ITPA: variants seen among roughly 807,000 people sequenced by gnomAD.
ITPA encodes inosine triphosphatase.
ITPA carries 29 observed loss-of-function variants against 29.6 expected under a neutral mutation model. That is an observed-to-expected ratio of 0.98 (90% confidence interval 0.73 to 1.34). The LOEUF (loss-of-function observed/expected upper bound fraction) is 1.34, where lower values mean the gene tolerates loss of function less well. ITPA is among the 40% of genes most tolerant of loss of function. ITPA has a pLI of 0.00. For missense variants in ITPA, 241 were observed against 251.5 expected (o/e 0.96, Z 0.28); for synonymous variants, 103 against 99.3 (o/e 1.04, Z -0.22).
Position 3,214,394 on chromosome 20 carries a change from C to G in ITPA, c.263+336C>G, listed in dbSNP as rs865786723. Among the ~76,000 whole-genome samples, 82 of 128,794 alleles carry G rather than the reference C, an allele frequency of 6.4e-4. No individual in the cohort carries two copies. The South Asian group carries it at 7.8e-3, about 12-fold the overall frequency. 84.5% of individuals were successfully genotyped at this position (128,794 alleles called of 152,430 possible). ...TTTTTTTTTTTTTTTGATACAGTCT[C>G]TCTCTGTTACCCAGACGGCTGGAGT... On this transcript the variant is annotated intron_variant, in intron 4 of 7. Coordinates refer to ENST00000380113, the MANE Select transcript of ITPA (RefSeq NM_033453.4).
intron 5 of ITPA, among the ~76,000 whole-genome samples, chr20:3,217,866 T>G (rs1443771896): frequency 3.3e-5 from 5 of 152,122 alleles, no homozygotes; most frequent in Non-Finnish European, 5.9e-5. Context: ...TTTCCTTGGT[T>G]GTAGAAAAAG....
At chr20:3,215,151 C>A in intron 4 of ITPA, 130 bp from the exon 5 acceptor site, 1 of 856,714 alleles carries the variant, frequency 1.2e-6, no homozygotes, top group Admixed American at 1.9e-5. Context: ...ATAGGCGGGA[C>A]CCACCTCGCC....
intron 4 of ITPA, 179 bp from the exon 5 acceptor site, chr20:3,215,102 A>G (rs1032714051): frequency 4.1e-5 from 26 of 640,436 alleles, no homozygotes; most frequent in Non-Finnish European, 7.1e-5. Flanking sequence ...CCTGAGCTCA[A>G]GCGATCCGCC....
At chr20:3,227,237 G>A (rs181257166), downstream of ITPA, among the ~76,000 whole-genome samples, 2 of 152,302 alleles carry the variant, frequency 1.3e-5, no homozygotes, top group East Asian at 3.9e-4. Flanking sequence ...ATGGCCATGC[G>A]AAGGCCTCCT....
downstream of ITPA, among the ~76,000 whole-genome samples, chr20:3,225,513 G>C (rs1010236868): frequency 6.6e-6 from 1 of 152,170 alleles, no homozygotes; most frequent in African/African-American, 2.4e-5. Context: ...GGGAGCTTCT[G>C]AATAGCCGAC....
upstream of ITPA, among the ~76,000 whole-genome samples, chr20:3,204,274 T>G (rs1183113325): frequency 6.6e-6 from 1 of 151,896 alleles, no homozygotes; most frequent in East Asian, 1.9e-4. Context: ...CCTCAGGCCT[T>G]TGGAGGTATG....
upstream of ITPA, chr20:3,204,501 C>G (rs1245760689): frequency 3.3e-6 from 5 of 1,536,292 alleles, no homozygotes; most frequent in Non-Finnish European, 3.5e-6. Context: ...CCAGAAAACC[C>G]GGTACCACCA....
At chr20:3,218,771 C>G (rs562638091) in intron 6 of ITPA, 139 bp downstream of exon 6, 1 of 708,348 alleles carries the variant, frequency 1.4e-6, no homozygotes, top group East Asian at 2.7e-5. Context: ...CTGAGAGGCT[C>G]CCCTGCGCAG....
intron 6 of ITPA, among the ~76,000 whole-genome samples, chr20:3,221,598 C>T (rs879800384): frequency 1.3e-5 from 2 of 152,222 alleles, no homozygotes; most frequent in South Asian, 2.1e-4. Context: ...CGCGTGGCCC[C>T]GGAGGTGCTG....
At chr20:3,225,521 G>A (rs1182318161), downstream of ITPA, among the ~76,000 whole-genome samples, 2 of 152,256 alleles carry the variant, frequency 1.3e-5, no homozygotes, top group Admixed American at 6.5e-5. Context: ...CTGAATAGCC[G>A]ACCATGTGGG....
In ITPA at chr20:3,223,676, C is replaced by CT. The variant is rs2067526028; in HGVS notation, c.*215dup. 1 of 599,226 alleles carries CT rather than the reference C, an allele frequency of 1.7e-6. No homozygotes were observed. The highest frequency in any genetic ancestry group is 1.8e-5 in the African/African-American group (1 of 54,334). The allele number at this position is 599,226 out of a possible 1,614,324, so 37.1% of individuals were successfully genotyped here. ...GCCATTCTCTTGCCCTTAGGATTCACTGCTCTCTCCTACAGCCGCCAGGCC... is the reference window on the plus strand; with the variant it reads ...GCCATTCTCTTGCCCTTAGGATTCACTTGCTCTCTCCTACAGCCGCCAGGCC... On this transcript the variant is annotated 3_prime_UTR_variant, in exon 8 of 8. Transcript: ENST00000380113.
At chr20:3,213,252 T>A in intron 2 of ITPA, 26 bp downstream of exon 2, 1 of 1,614,238 alleles carries the variant, frequency 6.2e-7, no homozygotes. Flanking sequence ...GTTTTATTTT[T>A]AAAAGATGGT....
chr20:3,204,676 C>A (rs374410072), upstream of ITPA: 11 of 1,522,154 alleles, frequency 7.2e-6, no homozygotes, highest in Non-Finnish European at 9.7e-6. Flanking sequence ...AGGCCGGGAT[C>A]TCATAGGCCC....
At chr20:3,204,760 A>T, upstream of ITPA, 1 of 808,692 alleles carries the variant, frequency 1.2e-6, no homozygotes, top group East Asian at 2.7e-5. Flanking sequence ...GAGAGGCTTT[A>T]ATGTCAGACA....
chr20:3,214,080 C>T, intron 4 of ITPA, 22 bp downstream of exon 4: 1 of 1,612,004 alleles, frequency 6.2e-7, no homozygotes, highest in Non-Finnish European at 8.5e-7. Flanking sequence ...CCTCCACCCC[C>T]TTACAGGGCG....
chr20:3,214,611 G>A (rs576052877), intron 4 of ITPA, among the ~76,000 whole-genome samples: 21 of 150,852 alleles, frequency 1.4e-4, no homozygotes, highest in South Asian at 1.0e-3. Flanking sequence ...CAAGAGTCTC[G>A]CTCTGTCGCC....
chr20:3,204,830 C>G, upstream of ITPA: 1 of 554,492 alleles, frequency 1.8e-6, no homozygotes, highest in East Asian at 3.0e-5. Context: ...TTATAGCAGA[C>G]GGTATGTCCA....
At position 3,223,297 on chromosome 20, in the gene ITPA, G is replaced by A. The variant is rs546471799; in HGVS notation, c.489-69G>A. The A allele has an allele frequency of 1.6e-4, 179 of 1,134,116 alleles. 2 individuals are homozygous for A. The South Asian group carries it at 2.2e-3, about 14-fold the overall frequency. The allele number at this position is 1,134,116 out of a possible 1,614,324, so 70.3% of individuals were successfully genotyped here. The stretch of plus-strand genomic sequence containing the variant: ...CTTTGGTCTCCAGGGATGAGATGAG[G>A]TAGGGTTGGGAGGGGGTGCACTTCC... On this transcript the variant is annotated intron_variant, in intron 7 of 7. Transcript: ENST00000380113.
chr20:3,214,754 T>C (rs2067255654), intron 4 of ITPA, among the ~76,000 whole-genome samples: 1 of 152,012 alleles, frequency 6.6e-6, no homozygotes, highest in African/African-American at 2.4e-5. Context: ...TAATTTTTTG[T>C]ATTTTTAGTA....
Sources: gnomAD v4.1 joint callset for allele counts (sites outside exome capture counted in the v4.1 genomes callset) on GRCh38, gnomAD v4.1.1 for gene constraint, MANE v1.5 for transcripts, NCBI Gene and HGNC (gene_info 2026-07-23, HGNC 2026-07-21) for gene names.